The following TBX15 variants were observed in gnomAD, a reference collection of about 807,000 sequenced individuals.
TBX15 encodes T-box transcription factor TBX15.
A neutral mutation model predicts 53.9 loss-of-function variants in TBX15; 18 were observed. The ratio of observed to expected loss-of-function variants is 0.33; its 90% CI spans 0.23 to 0.49. The LOEUF (loss-of-function observed/expected upper bound fraction) is 0.49, where lower values mean the gene tolerates loss of function less well. Ranked by LOEUF, TBX15 falls within the 20% of genes least tolerant of loss-of-function variation. TBX15 has a pLI of 0.98. For synonymous variants in TBX15, 295 were observed against 278.0 expected (o/e 1.06, Z -0.61); for missense variants, 692 against 749.5 (o/e 0.92, Z 0.90).
At chr1:118,968,480 T>A (rs1005489635) in intron 1 of TBX15, among the ~76,000 whole-genome samples, 1 of 152,326 alleles carries the variant, frequency 6.6e-6, no homozygotes, top group East Asian at 1.9e-4. Flanking sequence ...GTGCTGGGAT[T>A]ACAGGTGTGA....
chr1:118,952,755 C>T (rs757086532), intron 1 of TBX15, among the ~76,000 whole-genome samples: 1 of 152,146 alleles, frequency 6.6e-6, no homozygotes. Flanking sequence ...CTCTTTGACT[C>T]AGAAAGCTAA....
At chr1:118,905,298 T>C (rs776500353) in intron 6 of TBX15, among the ~76,000 whole-genome samples, 40 of 152,158 alleles carry the variant, frequency 2.6e-4, no homozygotes, top group Non-Finnish European at 3.1e-4. Flanking sequence ...TCCAATATGT[T>C]AGCCATTAAA....
intron 1 of TBX15, among the ~76,000 whole-genome samples, chr1:118,978,621 C>T (rs1342569756): frequency 2.0e-5 from 3 of 152,272 alleles, no homozygotes; most frequent in South Asian, 2.1e-4. Flanking sequence ...TCCTTCAGCC[C>T]TCTTTCTACC....
At chr1:118,914,944 G>C (rs1655150365) in intron 5 of TBX15, among the ~76,000 whole-genome samples, 1 of 152,104 alleles carries the variant, frequency 6.6e-6, no homozygotes, top group African/African-American at 2.4e-5. Flanking sequence ...TGGTCCTCAG[G>C]GGCCATGTGG....
At chr1:118,902,368 C>A (rs755786669) in intron 6 of TBX15, among the ~76,000 whole-genome samples, 1 of 152,214 alleles carries the variant, frequency 6.6e-6, no homozygotes, top group East Asian at 1.9e-4. Context: ...CTAGTATGGT[C>A]GCATCTCAAG....
At chr1:118,934,406 G>A (rs1363953718) in intron 1 of TBX15, among the ~76,000 whole-genome samples, 1 of 152,086 alleles carries the variant, frequency 6.6e-6, no homozygotes, top group Non-Finnish European at 1.5e-5. Flanking sequence ...TTCTATAAGG[G>A]TTTATAGTTT....
intron 1 of TBX15, among the ~76,000 whole-genome samples, chr1:118,970,046 C>T (rs760274642): frequency 5.3e-5 from 8 of 152,228 alleles, no homozygotes; most frequent in Non-Finnish European, 1.0e-4. Context: ...CTTCCCCCTG[C>T]GTGTTCTCTG....
At chr1:118,952,525 C>T (rs1378557720) in intron 1 of TBX15, among the ~76,000 whole-genome samples, 1 of 152,232 alleles carries the variant, frequency 6.6e-6, no homozygotes, top group Non-Finnish European at 1.5e-5. Flanking sequence ...TCAGTGCCCT[C>T]ACTGAGTGTC....
chr1:118,981,235 A>T (rs930556257), intron 1 of TBX15, among the ~76,000 whole-genome samples: 16 of 152,058 alleles, frequency 1.1e-4, no homozygotes, highest in Admixed American at 6.5e-5. Context: ...GAATCGTCCC[A>T]TGATACCTAG....
intron 1 of TBX15, among the ~76,000 whole-genome samples, chr1:118,977,153 A>G (rs1381658593): frequency 6.6e-6 from 1 of 152,246 alleles, no homozygotes; most frequent in African/African-American, 2.4e-5. Flanking sequence ...GCTCAGACAC[A>G]TGAAGTCTGA....
chr1:118,930,385 A>T (rs1192036604), intron 2 of TBX15, among the ~76,000 whole-genome samples: 14 of 152,182 alleles, frequency 9.2e-5, no homozygotes, highest in Non-Finnish European at 1.5e-5. Flanking sequence ...TGAAAAGCTT[A>T]GTCCAAATGT....
At chr1:118,969,438 C>A (rs1490248363) in intron 1 of TBX15, among the ~76,000 whole-genome samples, 1 of 152,188 alleles carries the variant, frequency 6.6e-6, no homozygotes, top group South Asian at 2.1e-4. Context: ...ACTTTCAAAT[C>A]TTTATGGACA....
At position 118,987,878 on chromosome 1, in the gene TBX15, G is replaced by T. The variant is rs1295399860; in HGVS notation, c.-83C>A. The T allele has an allele frequency of 2.7e-6, 4 of 1,509,296 alleles. No homozygotes were observed. Among genetic ancestry groups the T allele is most frequent in the African/African-American group, 1.4e-5 (1 of 71,964 alleles). 93.5% of individuals were successfully genotyped at this position (1,509,296 alleles called of 1,614,324 possible). A position where few individuals can be genotyped will look rare whatever the true frequency, so the allele number is the denominator to read the frequency against. ...CCCTCAAGCTCTGAGCGCCCACCGG[G>T]CCCGGCCCGGGAGAGGCGGAGGCGC... On this transcript the variant is annotated 5_prime_UTR_variant, in exon 1 of 8. Coordinates refer to ENST00000369429, the MANE Select transcript of TBX15 (RefSeq NM_001330677.2).
chr1:118,923,868 T>TTA (rs1466328338), intron 4 of TBX15, among the ~76,000 whole-genome samples: 3 of 152,188 alleles, frequency 2.0e-5, no homozygotes, highest in African/African-American at 7.2e-5. Flanking sequence ...AATGACTTCT[T>TTA]TAGTACCAAT....
intron 1 of TBX15, among the ~76,000 whole-genome samples, chr1:118,984,554 A>G (rs1657756738): frequency 6.6e-6 from 1 of 152,350 alleles, no homozygotes; most frequent in African/African-American, 2.4e-5. Context: ...CAGCTGTTCC[A>G]GCCGATCCTA....
intron 1 of TBX15, among the ~76,000 whole-genome samples, chr1:118,953,405 G>T (rs906846988): frequency 1.3e-5 from 2 of 152,158 alleles, no homozygotes; most frequent in Non-Finnish European, 2.9e-5. Flanking sequence ...GAAACATGGG[G>T]TCTCCACTGT....
chr1:118,892,564 A>G (rs1240291199), intron 7 of TBX15, among the ~76,000 whole-genome samples: 1 of 152,236 alleles, frequency 6.6e-6, no homozygotes, highest in Non-Finnish European at 1.5e-5. Context: ...GGAAGAATAT[A>G]TAAATAAAAG....
intron 5 of TBX15, 78 bp from the exon 6 acceptor site, chr1:118,914,257 A>C: frequency 7.5e-7 from 1 of 1,341,234 alleles, no homozygotes; most frequent in Non-Finnish European, 1.1e-6. Flanking sequence ...AATTACAAAA[A>C]TCACTTTTTT....
intron 1 of TBX15, among the ~76,000 whole-genome samples, chr1:118,939,437 C>CAAAAAA (rs869077887): frequency 3.5e-5 from 3 of 84,678 alleles, no homozygotes; most frequent in African/African-American, 9.7e-5. Context: ...AAAAAAAAAA[C>CAAAAAA]AAAAACAGGA....
Sources: gnomAD v4.1 joint callset for allele counts (sites outside exome capture counted in the v4.1 genomes callset) on GRCh38, gnomAD v4.1.1 for gene constraint, MANE v1.5 for transcripts, NCBI Gene and HGNC (gene_info 2026-07-23, HGNC 2026-07-21) for gene names.